Variants in TRIM37 observed in about 807,000 individuals in gnomAD.
TRIM37 encodes E3 ubiquitin-protein ligase TRIM37.
A neutral mutation model predicts 129.8 loss-of-function variants in TRIM37; 80 were observed. The observed-to-expected ratio is 0.62, with a 90% CI of 0.51 to 0.74. The LOEUF is 0.74. TRIM37 is among the 30% of genes least tolerant of loss of function. The pLI, the probability that TRIM37 is intolerant of heterozygous loss-of-function variation, is 0.00. For synonymous variants in TRIM37, 389 were observed against 387.1 expected (o/e 1.00, Z -0.06); for missense variants, 1,054 against 1,176.5 (o/e 0.90, Z 1.52).
At chr17:59,064,168 C>T in intron 10 of TRIM37, 187 bp downstream of exon 10, 1 of 552,272 alleles carries the variant, frequency 1.8e-6, no homozygotes, top group Non-Finnish European at 3.2e-6. Flanking sequence ...ACTAGAGAAG[C>T]AGTCAGTCTA....
At position 58,991,016 on chromosome 17, in the gene TRIM37, T is replaced by TA. The variant is rs1044227686; in HGVS notation, c.2892-8096dup. Among the ~76,000 whole-genome samples the TA allele has an allele frequency of 1.2e-3, 164 of 132,708 alleles. 2 individuals carry two copies. In the South Asian group the frequency reaches 0.012, roughly 10 times the overall value. 87.1% of individuals were successfully genotyped at this position (132,708 alleles called of 152,430 possible). A position where few individuals can be genotyped will look rare whatever the true frequency, so the allele number is the denominator to read the frequency against. The stretch of plus-strand genomic sequence containing the variant: ...GGTGAAACCCCATTTCTACTAAAAA[T>TA]AAAAAAAAATGAGCTAGGTGTGGTG... On this transcript the variant is annotated intron_variant, in intron 24 of 24. Coordinates refer to the TRIM37 transcript ENST00000393066.
chr17:59,088,556 A>C (rs1352566929), intron 3 of TRIM37, 149 bp from the exon 4 acceptor site: 6 of 659,150 alleles, frequency 9.1e-6, no homozygotes, highest in Non-Finnish European at 1.6e-5. Flanking sequence ...TCTATGACCC[A>C]GGGTGGAATG....
intron 9 of TRIM37, among the ~76,000 whole-genome samples, chr17:59,069,827 G>C (rs1328616871): frequency 6.6e-6 from 1 of 152,142 alleles, no homozygotes; most frequent in Non-Finnish European, 1.5e-5. Context: ...CTCATAAAAA[G>C]AGAAAGAGAC....
chr17:59,056,747 A>AAAAG (rs2040952379), intron 13 of TRIM37, 128 bp downstream of exon 13: 2 of 427,710 alleles, frequency 4.7e-6, no homozygotes, highest in Non-Finnish European at 4.1e-6. Flanking sequence ...AAAAAAAAAA[A>AAAAG]GGTGATAAGG....
At chr17:59,079,721 C>T in intron 7 of TRIM37, 33 bp downstream of exon 7, 1 of 1,613,168 alleles carries the variant, frequency 6.2e-7, no homozygotes, top group Non-Finnish European at 8.5e-7. Flanking sequence ...GCTGAAAGCA[C>T]CAGGTACCCC....
chr17:59,056,730 AAAAAAAAAAAAAAAAAAG>A, intron 13 of TRIM37, 127 bp downstream of exon 13: 1 of 395,608 alleles, frequency 2.5e-6, no homozygotes, highest in Non-Finnish European at 4.4e-6. Flanking sequence ...AAAAAAAAAA[AAAAAAAAAAAAAAAAAAG>A]GTGATAAGGT....
chr17:59,091,365 C>T (rs777408268), intron 2 of TRIM37, 25 bp from the exon 3 acceptor site: 4 of 1,468,280 alleles, frequency 2.7e-6, no homozygotes, highest in Non-Finnish European at 1.8e-6. Flanking sequence ...GATTAGATAT[C>T]GATTAGAAAA....
At chr17:58,976,325 A>G in the TRIM37 span, among the ~76,000 whole-genome samples, 21 of 152,164 alleles carry the variant, frequency 1.4e-4, no homozygotes, top group Non-Finnish European at 2.4e-4. Flanking sequence ...GGAATTGAGA[A>G]AATTCAAGCC....
Position 58,999,353 on chromosome 17 carries a change from A to G in TRIM37, c.*24T>C. The G allele has an allele frequency of 1.9e-6, 3 of 1,613,862 alleles. No homozygotes were observed. Among genetic ancestry groups the G allele is most frequent in the Non-Finnish European group, 2.5e-6 (3 of 1,179,848 alleles). Reference sequence around the variant, plus strand: ...AAAATTCAGGGTCAAGGTAGCTTGCAAGTCAGTTCTCTTGATTTGGCAATT... The same window carrying G: ...AAAATTCAGGGTCAAGGTAGCTTGCGAGTCAGTTCTCTTGATTTGGCAATT... On this transcript the variant is annotated 3_prime_UTR_variant, in exon 24 of 24. Coordinates refer to ENST00000262294, the MANE Select transcript of TRIM37 (RefSeq NM_015294.6).
intron 19 of TRIM37, among the ~76,000 whole-genome samples, chr17:59,021,980 A>G (rs1412499798): frequency 6.6e-6 from 1 of 151,978 alleles, no homozygotes; most frequent in Non-Finnish European, 1.5e-5. Context: ...AAAGGCTGTT[A>G]AAGTTCTAAC....
At chr17:59,106,408 G>A (rs761726844) in intron 1 of TRIM37, 33 bp downstream of exon 1, 3 of 1,613,620 alleles carry the variant, frequency 1.9e-6, no homozygotes, top group African/African-American at 2.7e-5. Context: ...GGGTGGGGGC[G>A]GGGACTAACC....
intron 22 of TRIM37, among the ~76,000 whole-genome samples, chr17:59,010,463 A>G (rs114376127): frequency 0.015 from 2,257 of 152,292 alleles, 49 homozygotes; most frequent in African/African-American, 0.051. Flanking sequence ...AATTAGAAGC[A>G]TTTCATAAAT....
intron 24 of TRIM37, among the ~76,000 whole-genome samples, chr17:58,990,772 C>G (rs553402988): frequency 8.3e-6 from 1 of 119,816 alleles, no homozygotes; most frequent in Non-Finnish European, 1.7e-5. Flanking sequence ...GCCTGGGCAA[C>G]AGAGTGAAAC....
intron 1 of TRIM37, 92 bp from the exon 2 acceptor site, chr17:59,104,486 T>C (rs1250512394): frequency 4.4e-6 from 5 of 1,136,784 alleles, no homozygotes; most frequent in Non-Finnish European, 6.7e-6. Context: ...TTTACATTTA[T>C]TTTGGGCTGA....
At chr17:59,101,529 T>C (rs533322457) in intron 2 of TRIM37, among the ~76,000 whole-genome samples, 2 of 151,116 alleles carry the variant, frequency 1.3e-5, no homozygotes, top group Non-Finnish European at 3.0e-5. Flanking sequence ...TTAAAAATCA[T>C]TGGTATAGGC....
intron 4 of TRIM37, among the ~76,000 whole-genome samples, chr17:59,087,365 G>T (rs1041457379): frequency 2.0e-5 from 3 of 151,636 alleles, no homozygotes; most frequent in African/African-American, 7.3e-5. Context: ...AAAGTGCTGA[G>T]ATTATAGGCA....
intron 9 of TRIM37, among the ~76,000 whole-genome samples, chr17:59,066,662 A>T (rs1036476397): frequency 6.6e-6 from 1 of 152,220 alleles, no homozygotes; most frequent in Admixed American, 6.5e-5. Flanking sequence ...GAGCACAGAA[A>T]ACAGGTACTG....
At chr17:59,101,311 A>G (rs903996446) in intron 2 of TRIM37, among the ~76,000 whole-genome samples, 20 of 152,122 alleles carry the variant, frequency 1.3e-4, no homozygotes, top group African/African-American at 3.9e-4. Context: ...AAAGAAAGAG[A>G]TATCAGTGAA....
chr17:59,008,738 A>G (rs2034867568), intron 22 of TRIM37, among the ~76,000 whole-genome samples: 1 of 152,160 alleles, frequency 6.6e-6, no homozygotes, highest in Non-Finnish European at 1.5e-5. Flanking sequence ...TCTCTATAAA[A>G]AATTAAAAAT....
Sources: gnomAD v4.1 joint callset for allele counts (sites outside exome capture counted in the v4.1 genomes callset) on GRCh38, gnomAD v4.1.1 for gene constraint, MANE v1.5 for transcripts, NCBI Gene and HGNC (gene_info 2026-07-23, HGNC 2026-07-21) for gene names.